The following SRGAP1 variants were observed in gnomAD, a reference collection of about 807,000 sequenced individuals.
The protein encoded by SRGAP1 is SLIT-ROBO Rho GTPase-activating protein 1.
Under a neutral mutation model 121.9 loss-of-function variants are expected in SRGAP1, and 43 were observed. The ratio of observed to expected loss-of-function variants is 0.35; its 90% confidence interval spans 0.28 to 0.46. The LOEUF (loss-of-function observed/expected upper bound fraction) is 0.46, where lower values mean the gene tolerates loss of function less well. Ranked by LOEUF, SRGAP1 falls within the 20% of genes least tolerant of loss-of-function variation. The pLI is 1.00. For missense variants in SRGAP1, 1,102 were observed against 1,350.9 expected (o/e 0.82, Z 2.89); for synonymous variants, 447 against 485.4 (o/e 0.92, Z 1.04).
intron 1 of SRGAP1, among the ~76,000 whole-genome samples, chr12:63,909,316 G>T (rs1216110331): frequency 6.6e-6 from 1 of 152,228 alleles, no homozygotes; most frequent in Non-Finnish European, 1.5e-5. Context: ...AGGATTTTAT[G>T]ATCTTTCTCA....
chr12:64,060,487 C>T (rs1427277898), intron 6 of SRGAP1, among the ~76,000 whole-genome samples: 4 of 152,096 alleles, frequency 2.6e-5, no homozygotes, highest in Non-Finnish European at 1.5e-5. Flanking sequence ...GGATTACAGG[C>T]GTGAGCCACC....
At chr12:63,917,955 A>G (rs984288255) in intron 1 of SRGAP1, among the ~76,000 whole-genome samples, 1 of 152,174 alleles carries the variant, frequency 6.6e-6, no homozygotes, top group Non-Finnish European at 1.5e-5. Context: ...GGCTAGCACA[A>G]ATGCAAGATT....
At chr12:63,947,960 T>G (rs1316642927) in intron 1 of SRGAP1, among the ~76,000 whole-genome samples, 1 of 152,188 alleles carries the variant, frequency 6.6e-6, no homozygotes, top group African/African-American at 2.4e-5. Context: ...GAAGTTTCCT[T>G]CTATTCTTGC....
intron 1 of SRGAP1, among the ~76,000 whole-genome samples, chr12:63,875,116 C>T (rs1462864366): frequency 1.3e-5 from 2 of 152,132 alleles, no homozygotes; most frequent in Admixed American, 1.3e-4. Context: ...GTCTCACTGC[C>T]TTGCCCAGGC....
chr12:63,883,241 A>G (rs948678571), intron 1 of SRGAP1, among the ~76,000 whole-genome samples: 10 of 152,270 alleles, frequency 6.6e-5, no homozygotes, highest in Non-Finnish European at 1.3e-4. Context: ...TTTATTAAAC[A>G]GCAGGACTGT....
intron 1 of SRGAP1, among the ~76,000 whole-genome samples, chr12:63,916,183 G>A (rs2030771002): frequency 6.6e-6 from 1 of 151,816 alleles, no homozygotes; most frequent in African/African-American, 2.4e-5. Context: ...CAAGGCATGT[G>A]CCACCATGCC....
chr12:64,081,311 A>G (rs927810241), intron 10 of SRGAP1: 3 of 152,156 alleles, frequency 2.0e-5, no homozygotes, highest in Non-Finnish European at 2.9e-5. Flanking sequence ...GCCTCCCACA[A>G]TTCTGGAACC....
In SRGAP1 at chr12:64,145,492, T is replaced by C. The variant is rs2037037833; in HGVS notation, c.*2820T>C. ...TGTTTCAGGAAACAGCTCCTAATAC[T>C]CTCCCATCACTCACTTTACCTGTCT... is the stretch of plus-strand genomic sequence containing the variant. On this transcript the variant is annotated 3_prime_UTR_variant, in exon 22 of 22. Coordinates refer to ENST00000355086, the MANE Select transcript of SRGAP1 (RefSeq NM_020762.4). The C allele has an allele frequency of 1.3e-5, 2 of 152,014 alleles. No individual in the cohort carries two copies. Among genetic ancestry groups the C allele is most frequent in the Non-Finnish European group, 2.9e-5 (2 of 68,032 alleles). 9.4% of individuals were successfully genotyped at this position (152,014 alleles called of 1,614,324 possible). A position where few individuals can be genotyped will look rare whatever the true frequency, so the allele number is the denominator to read the frequency against.
intron 3 of SRGAP1, among the ~76,000 whole-genome samples, chr12:64,014,619 G>A (rs531500526): frequency 1.6e-3 from 241 of 148,362 alleles, no homozygotes; most frequent in Non-Finnish European, 2.7e-3. Context: ...TAAAATAAAC[G>A]TTAAATAAAA....
At chr12:64,052,056 G>T (rs2035247972) in intron 6 of SRGAP1, among the ~76,000 whole-genome samples, 1 of 152,116 alleles carries the variant, frequency 6.6e-6, no homozygotes, top group Admixed American at 6.6e-5. Flanking sequence ...TATTGATATT[G>T]ATGGTAATAC....
At chr12:64,054,147 CA>C (rs1345397386) in intron 6 of SRGAP1, among the ~76,000 whole-genome samples, 1 of 152,170 alleles carries the variant, frequency 6.6e-6, no homozygotes, top group Non-Finnish European at 1.5e-5. Context: ...AGTACAGTTT[CA>C]TGGTCTCCAG....
At chr12:64,095,646 T>TA (rs1344191416) in intron 14 of SRGAP1, among the ~76,000 whole-genome samples, 1 of 152,232 alleles carries the variant, frequency 6.6e-6, no homozygotes, top group African/African-American at 2.4e-5. Flanking sequence ...TGCTTGTTCA[T>TA]AATTGGCTGT....
At chr12:63,896,264 G>C (rs1337757575) in intron 1 of SRGAP1, among the ~76,000 whole-genome samples, 1 of 152,100 alleles carries the variant, frequency 6.6e-6, no homozygotes, top group Non-Finnish European at 1.5e-5. Context: ...ATAATACGAT[G>C]GTGATGTATT....
chr12:64,058,387 G>C (rs529253042), intron 6 of SRGAP1, among the ~76,000 whole-genome samples: 1 of 152,282 alleles, frequency 6.6e-6, no homozygotes, highest in Middle Eastern at 3.4e-3. Flanking sequence ...AGGAGCGTCT[G>C]TACTTGGATT....
chr12:64,137,962 ATATAT>A (rs1183436317), intron 21 of SRGAP1, among the ~76,000 whole-genome samples: 4 of 111,768 alleles, frequency 3.6e-5, no homozygotes, highest in African/African-American at 1.3e-4. Flanking sequence ...TAAAAAAAAA[ATATAT>A]ATATATATAT....
chr12:63,854,424 GTAA>G (rs1899170868), intron 1 of SRGAP1, among the ~76,000 whole-genome samples: 1 of 152,130 alleles, frequency 6.6e-6, no homozygotes, highest in South Asian at 2.1e-4. Flanking sequence ...TACATGCTGA[GTAA>G]TAATGGATGA....
At position 64,142,462 on chromosome 12, in the gene SRGAP1, C is replaced by T. The variant is rs1027239347; in HGVS notation, c.3048C>T (p.Ala1016=). 12 of 1,614,008 alleles carry T rather than the reference C, an allele frequency of 7.4e-6. No individual in the cohort carries two copies. The highest frequency in any genetic ancestry group is 1.7e-5 in the Admixed American group (1 of 59,986). Reference sequence around the variant, plus strand: ...CTCTCAGCCCTTTGCACAACGTTGCCCTCAGGAGCTCCGAGCCTCAGATTC... The same window carrying T: ...CTCTCAGCCCTTTGCACAACGTTGCTCTCAGGAGCTCCGAGCCTCAGATTC... ...TESLSPLHNV[A]LRSSEPQIRR... The change falls in exon 22 of 22, where the codon GCC becomes GCT. Residue 1016 remains alanine, a synonymous_variant. Coordinates refer to ENST00000355086, the MANE Select transcript of SRGAP1 (RefSeq NM_020762.4).
chr12:64,139,312 G>A (rs112403010), intron 21 of SRGAP1, among the ~76,000 whole-genome samples: 13 of 152,178 alleles, frequency 8.5e-5, no homozygotes, highest in South Asian at 2.1e-4. Flanking sequence ...ACTGAATTTC[G>A]AAGAACTTCT....
chr12:64,134,204 G>A (rs535205759), intron 21 of SRGAP1, among the ~76,000 whole-genome samples: 3 of 152,062 alleles, frequency 2.0e-5, no homozygotes, highest in East Asian at 1.9e-4. Context: ...GGCAGATCAC[G>A]GGGTCAGGAG....
Sources: gnomAD v4.1 joint callset for allele counts (sites outside exome capture counted in the v4.1 genomes callset) on GRCh38, gnomAD v4.1.1 for gene constraint, MANE v1.5 for transcripts, NCBI Gene and HGNC (gene_info 2026-07-23, HGNC 2026-07-21) for gene names.